RNASE11: variants seen among roughly 807,000 people sequenced by gnomAD.
RNASE11 encodes the protein ribonuclease A family member 11 (inactive).
For missense variants in RNASE11, 252 were observed against 237.8 expected (o/e 1.06, Z -0.39); for synonymous variants, 105 against 86.1 (o/e 1.22, Z -1.21).
rs181906759 is a variant in RNASE11 at position 20,585,458 on chromosome 14, C to G, written c.-22-962G>C. Among the ~76,000 whole-genome samples the G allele has an allele frequency of 3.1e-4, 47 of 152,210 alleles. No individual in the cohort carries two copies. In the East Asian group the frequency reaches 8.5e-3, roughly 27 times the overall value. On this transcript the variant is annotated intron_variant, in intron 1 of 1. Coordinates refer to ENST00000553849, the Ensembl canonical transcript of RNASE11. Reference sequence around the variant, plus strand: ...CTTGTTAGGCTAAAAATTCCTCGAGCCTGAAACACAGTTTCTGATTATTTA... The same window carrying G: ...CTTGTTAGGCTAAAAATTCCTCGAGGCTGAAACACAGTTTCTGATTATTTA...
At chr14:20,585,532 A>T (rs1002120677) in intron 1 of RNASE11, among the ~76,000 whole-genome samples, 3 of 152,356 alleles carry the variant, frequency 2.0e-5, no homozygotes, top group South Asian at 4.1e-4. Flanking sequence ...TTAATAAAGA[A>T]TCTGCACTCC....
chr14:20,589,272 T>G (rs79599981), upstream of RNASE11, among the ~76,000 whole-genome samples: 34 of 139,618 alleles, frequency 2.4e-4, no homozygotes, highest in African/African-American at 9.0e-4. Flanking sequence ...TTTTTTTTTT[T>G]GAGACGGAGT....
chr14:20,587,395 T>C (rs960572499), intron 1 of RNASE11, among the ~76,000 whole-genome samples, 168 bp downstream of exon 2: 7 of 151,746 alleles, frequency 4.6e-5, no homozygotes, highest in Non-Finnish European at 8.8e-5. Flanking sequence ...GAAAAAGCAC[T>C]GAAAAGGAAA....
At chr14:20,586,920 C>T (rs1439361995) in intron 1 of RNASE11, among the ~76,000 whole-genome samples, 6 of 152,104 alleles carry the variant, frequency 3.9e-5, no homozygotes, top group Non-Finnish European at 8.8e-5. Context: ...GAGGCCAATG[C>T]GGGAGGATCA....
At chr14:20,583,990 G>A in exon 2 of RNASE11, 2 of 1,614,186 alleles carry the variant, frequency 1.2e-6, no homozygotes, top group South Asian at 1.1e-5. Context: ...TTGTTTGCCT[G>A]TAGTGAACTG....
In RNASE11 at chr14:20,585,088, G is replaced by A. The variant is rs533781841; in HGVS notation, c.-22-592C>T. On this transcript the variant is annotated intron_variant, in intron 1 of 1. Coordinates refer to ENST00000553849, the Ensembl canonical transcript of RNASE11. ...TCCACTTTGTTGCAGAGCTAAAAGT[G>A]AAATCGTGTTTGTTTCCTGGGAGTT... 4.1e-5 allele frequency: 40 copies of A among 985,502 alleles called. No homozygotes were observed. In the South Asian group the frequency reaches 1.6e-3, roughly 38 times the overall value. 61.0% of individuals were successfully genotyped at this position (985,502 alleles called of 1,614,324 possible).
At chr14:20,585,038 G>T (rs1884406451) in intron 1 of RNASE11, 1 of 982,540 alleles carries the variant, frequency 1.0e-6, no homozygotes, top group African/African-American at 1.7e-5. Context: ...AGTTCCTTCG[G>T]CAAGTTGATC....
chr14:20,590,223 C>A, upstream of RNASE11: 1 of 1,587,264 alleles, frequency 6.3e-7, no homozygotes, highest in Non-Finnish European at 8.6e-7. Context: ...GCCTCAGGCA[C>A]AGCCAGCTCC....
chr14:20,584,471 C>T (rs760383735), exon 2 of RNASE11: 8 of 1,586,836 alleles, frequency 5.0e-6, no homozygotes, highest in Non-Finnish European at 6.0e-6. Flanking sequence ...GGAAAGGTCT[C>T]CATCTCAGAT....
chr14:20,584,445 G>C lies in RNASE11; in HGVS notation c.30C>G (p.Ser10Arg), dbSNP rs147005490. The C allele has an allele frequency of 3.7e-6, 6 of 1,607,460 alleles. No individual in the cohort carries two copies. In the South Asian group the frequency reaches 5.6e-5, roughly 15 times the overall value. ...ATGCTTCTGCAAGAACCAGGCCCAGGCTGAGCAGCAGCAGAGGAAAGGTCT... is the reference window on the plus strand; with the variant it reads ...ATGCTTCTGCAAGAACCAGGCCCAGCCTGAGCAGCAGCAGAGGAAAGGTCT... Residue 10 changes from serine to arginine, a missense_variant, in exon 2 of 2, where the codon AGC (serine) becomes AGG (arginine). Transcript: ENST00000553849.
At chr14:20,583,997 A>C (rs200795932) in exon 2 of RNASE11, 2 of 1,614,172 alleles carry the variant, frequency 1.2e-6, no homozygotes, top group Non-Finnish European at 1.7e-6. Context: ...CCTGTAGTGA[A>C]CTGGCACACT....
upstream of RNASE11, chr14:20,587,812 G>C (rs1447004054): frequency 1.0e-6 from 1 of 985,314 alleles, no homozygotes; most frequent in Non-Finnish European, 1.2e-6. Flanking sequence ...CAATCGCATG[G>C]AACTTGATGG....
upstream of RNASE11, chr14:20,587,826 C>A: frequency 1.0e-6 from 1 of 985,482 alleles, no homozygotes; most frequent in Non-Finnish European, 1.2e-6. Flanking sequence ...TTGATGGTTA[C>A]AAAAGACAGA....
At chr14:20,583,807 G>A (rs1396344683) in exon 2 of RNASE11, 1 of 1,481,290 alleles carries the variant, frequency 6.8e-7, no homozygotes, top group African/African-American at 1.4e-5. Flanking sequence ...TTAAGGAAAG[G>A]TTTAAACAAG....
chr14:20,588,991 T>C (rs544936934), upstream of RNASE11, among the ~76,000 whole-genome samples: 114 of 152,182 alleles, frequency 7.5e-4, no homozygotes, highest in African/African-American at 2.6e-3. Flanking sequence ...TTCACCATGT[T>C]GGCCAGGCTG....
chr14:20,583,824 C>T, exon 2 of RNASE11: 3 of 1,519,300 alleles, frequency 2.0e-6, no homozygotes, highest in Non-Finnish European at 2.7e-6. Context: ...CAAGAATGAA[C>T]AAGAAGAGGT....
chr14:20,590,034 C>T (rs536717278), upstream of RNASE11: 14 of 658,864 alleles, frequency 2.1e-5, no homozygotes, highest in Non-Finnish European at 3.1e-5. Flanking sequence ...CATCAAAGGA[C>T]CTAGAGATAA....
exon 2 of RNASE11, chr14:20,584,290 G>C: frequency 6.2e-7 from 1 of 1,614,108 alleles, no homozygotes. Flanking sequence ...GCTGAGGCTG[G>C]TATTTTTAAC....
exon 2 of RNASE11, chr14:20,584,291 T>C: frequency 6.2e-7 from 1 of 1,614,208 alleles, no homozygotes; most frequent in Non-Finnish European, 8.5e-7. Context: ...CTGAGGCTGG[T>C]ATTTTTAACT....
Sources: gnomAD v4.1 joint callset for allele counts (sites outside exome capture counted in the v4.1 genomes callset) on GRCh38, gnomAD v4.1.1 for gene constraint, MANE v1.5 for transcripts, NCBI Gene and HGNC (gene_info 2026-07-23, HGNC 2026-07-21) for gene names.